Variants in TNXB observed in about 807,000 individuals in gnomAD.
TNXB encodes the protein tenascin-X.
A neutral mutation model predicts 340.5 loss-of-function variants in TNXB; 183 were observed. The observed-to-expected ratio is 0.54, with a 90% CI of 0.48 to 0.61. TNXB has a LOEUF of 0.61. TNXB is among the 20% of genes least tolerant of loss of function. The pLI is 0.00. For missense variants in TNXB, 4,613 were observed against 5,446.4 expected, an observed-to-expected ratio of 0.85 and a Z score of 4.82; for synonymous variants, 2,121 against 2,314.5, an observed-to-expected ratio of 0.92 and a Z score of 2.40.
chr6:32,095,116 G>A lies in TNXB; in HGVS notation c.2318C>T (p.Pro773Leu), dbSNP rs1406333249. 1 of 1,549,520 alleles carries A rather than the reference G, an allele frequency of 6.5e-7. No individual in the cohort carries two copies. The highest frequency in any genetic ancestry group is 1.2e-5 in the South Asian group (1 of 83,612). Reference sequence around the variant, plus strand: ...AATTTCATAGGCATCCACGGGGCCAGGAGCCGGGGTCCACTCTGTCCGAAC... The same window carrying A: ...AATTTCATAGGCATCCACGGGGCCAAGAGCCGGGGTCCACTCTGTCCGAAC... ...TTVRTEWTPA[P>L]GPVDAYEIQF... Residue 773 changes from proline to leucine, a missense_variant, in exon 4 of 44, where the codon CCT (proline) becomes CTT (leucine). Pro to Leu is a moderately conservative substitution (Grantham distance 98). Transcript: ENST00000644971.
chr6:32,050,629 C>T (rs1384133719), intron 26 of TNXB, among the ~76,000 whole-genome samples: 1 of 151,986 alleles, frequency 6.6e-6, no homozygotes, highest in Non-Finnish European at 1.5e-5. Flanking sequence ...ACTGGGGTCT[C>T]CTCGCCATCT....
rs191782781 is a variant in TNXB at position 32,059,579 on chromosome 6, G to A, written c.7493-1189C>T. On this transcript the variant is annotated intron_variant, in intron 21 of 43. Coordinates refer to ENST00000644971, the MANE Select transcript of TNXB (RefSeq NM_001365276.2). ...TGTCAGTTCTGTGGTTCCCCACAGT[G>A]GAGACAGGAACACAAAACTGAACGT... Among the ~76,000 whole-genome samples the A allele has an allele frequency of 1.7e-3, 259 of 152,000 alleles. 1 individual carries two copies. Among genetic ancestry groups the A allele is most frequent in the Non-Finnish European group, 1.7e-3 (114 of 68,022 alleles).
At chr6:32,091,507 C>T (rs1426088169) in intron 4 of TNXB, among the ~76,000 whole-genome samples, 10 of 139,070 alleles carry the variant, frequency 7.2e-5, no homozygotes, top group African/African-American at 2.4e-4. Flanking sequence ...GACGGAATTT[C>T]GCTCTTGTCT....
rs1281889688 is a variant in TNXB, at chr6:32,079,224, G to A, written c.4184C>T (p.Pro1395Leu). Residue 1395 changes from proline to leucine, a missense_variant, in exon 11 of 44, where the codon CCC (proline) becomes CTC (leucine). Transcript: ENST00000644971. This position sits in a 1 kb window ranked among gnomAD's most constrained non-coding sequence, Gnocchi z 7.1. ...PDSLSLFWTV[P>L]QGSFDSFTVQ... ...GGTGAAAGAGTCGAAGCTGCCCTGG[G>A]GGACGGTCCAGAAGAGGCTCAGCGA... The A allele has an allele frequency of 1.9e-6, 3 of 1,613,812 alleles. No individual in the cohort carries two copies. Among genetic ancestry groups the A allele is most frequent in the Non-Finnish European group, 2.5e-6 (3 of 1,179,872 alleles).
At chr6:32,055,118 G>A (rs1354205004) in intron 24 of TNXB, among the ~76,000 whole-genome samples, 1 of 152,198 alleles carries the variant, frequency 6.6e-6, no homozygotes, top group Non-Finnish European at 1.5e-5. Context: ...TTAGTGAGAC[G>A]CCCGGTAATA....
chr6:32,081,233 G>C lies in TNXB; in HGVS notation c.4042+135C>G. 1.3e-6 allele frequency: 1 copy of C among 796,432 alleles called. No homozygotes were observed. The highest frequency in any genetic ancestry group is 2.0e-6 in the Non-Finnish European group (1 of 506,638). 49.3% of individuals were successfully genotyped at this position (796,432 alleles called of 1,614,324 possible). ...CATGCAGAGGACAGGAGAGCAGTGC[G>C]GGAGGAAGTGGGTGGAGGCTTTGGC... On this transcript the variant is annotated intron_variant, in intron 10 of 43. Transcript: ENST00000644971. This position sits in a 1 kb window ranked among gnomAD's most constrained non-coding sequence, Gnocchi z 5.1.
chr6:32,095,690 C>T lies in TNXB; in HGVS notation c.2163G>A (p.Gly721=). The part of the protein sequence containing the change: ...GPDCAIQTCP[G]DCRGRGECHD... ...GACACTCTCCTCGGCCACGGCAGTCCCCTGGGCATGTCTGGATGGCACAGT... is the reference window on the plus strand; with the variant it reads ...GACACTCTCCTCGGCCACGGCAGTCTCCTGGGCATGTCTGGATGGCACAGT... The change falls in exon 3 of 44, where the codon GGG becomes GGA. Residue 721 remains glycine (G), a synonymous_variant. Coordinates refer to ENST00000644971, the MANE Select transcript of TNXB (RefSeq NM_001365276.2). 2 of 1,614,050 alleles carry T rather than the reference C, an allele frequency of 1.2e-6. No individual in the cohort carries two copies. Among genetic ancestry groups the T allele is most frequent in the African/African-American group, 1.3e-5 (1 of 75,048 alleles).
rs753431153 is a variant in TNXB, at chr6:32,067,607, G to A, written c.6544+54C>T. ...CTGGGTCCCTAGTGGAGGAGATGCT[G>A]GAGGCTGTACTTTGCTAAGACCCAA... On this transcript the variant is annotated intron_variant, in intron 18 of 43. Coordinates refer to ENST00000644971, the MANE Select transcript of TNXB (RefSeq NM_001365276.2). This position sits in a 1 kb window ranked among gnomAD's most constrained non-coding sequence, Gnocchi z 4.2. 10 of 1,577,020 alleles carry A rather than the reference G, an allele frequency of 6.3e-6. No individual in the cohort carries two copies. Among genetic ancestry groups the A allele is most frequent in the Admixed American group, 1.8e-5 (1 of 54,118 alleles).
chr6:32,050,287 C>A lies in TNXB; in HGVS notation c.9150G>T (p.Val3050=), dbSNP rs757639870. The part of the protein sequence containing the change: ...PKDEAETTQA[V]PTMTPEPPIK... The stretch of plus-strand genomic sequence containing the variant: ...TGGGGGGCTCAGGGGTCATGGTAGG[C>A]ACTGCTTGGGTGGTCTCGGCTTCAT... Residue 3050 remains valine, a synonymous_variant, in exon 27 of 44, where the codon GTG becomes GTT. Transcript: ENST00000644971. 1 of 1,613,292 alleles carries A rather than the reference C, an allele frequency of 6.2e-7. No individual in the cohort carries two copies.
chr6:32,081,314 C>A lies in TNXB; in HGVS notation c.4042+54G>T. ...AGGCTGGAAGGAGCCCCAGCCAAGT[C>A]CCGCTCACAGGATGGGGCTAGCAGG... On this transcript the variant is annotated intron_variant, in intron 10 of 43. Transcript: ENST00000644971. The surrounding 1 kb of genome is among the most constrained non-coding windows in gnomAD (Gnocchi z 5.1). 1.3e-6 allele frequency: 2 copies of A among 1,485,644 alleles called. No homozygotes were observed. Among genetic ancestry groups the A allele is most frequent in the Middle Eastern group, 2.1e-4 (1 of 4,658 alleles). The allele number at this position is 1,485,644 out of a possible 1,614,324, so 92.0% of individuals were successfully genotyped here.
rs774375168 is a variant in TNXB, at chr6:32,050,195, A to C, written c.9242T>G (p.Met3081Arg). 1 of 1,613,662 alleles carries C rather than the reference A, an allele frequency of 6.2e-7. No homozygotes were observed. The highest frequency in any genetic ancestry group is 1.1e-5 in the South Asian group (1 of 91,090). The change falls in exon 27 of 44, where the codon ATG (methionine) becomes AGG (arginine). Residue 3081 changes from methionine to arginine, a missense_variant. Around this residue, in one of 7 missense-constraint regions of TNXB, gnomAD observed 4,327 missense variants for 4,859.4 expected, o/e 0.89. Coordinates refer to ENST00000644971, the MANE Select transcript of TNXB (RefSeq NM_001365276.2). ...GTGGTCAAACTGGCCCTCGGGAACC[A>C]TCCAGGACAGGCTGAGGGAGTCGGG... is the stretch of plus-strand genomic sequence containing the variant. ...ATPDSLSLSW[M>R]VPEGQFDHFL...
At position 32,047,277 on chromosome 6, in the gene TNXB, A is replaced by G. The variant is rs1265348470; in HGVS notation, c.10324+457T>C. On this transcript the variant is annotated intron_variant, in intron 30 of 43. Coordinates refer to ENST00000644971, the MANE Select transcript of TNXB (RefSeq NM_001365276.2). This position sits in a 1 kb window ranked among gnomAD's most constrained non-coding sequence, Gnocchi z 6.2. ...CACCCCTTCCTCAGGGAGCTGAGTC[A>G]TAGGCATAGTGACACCAGGTTTTTC... Among the ~76,000 whole-genome samples the G allele has an allele frequency of 1.3e-5, 2 of 152,260 alleles. No individual in the cohort carries two copies. The highest frequency in any genetic ancestry group is 2.9e-5 in the Non-Finnish European group (2 of 68,050).
rs2077580 is a variant in TNXB at position 32,053,067 on chromosome 6, G to A, written c.8792-74C>T. Reference sequence around the variant, plus strand: ...CTTGGGTCTTGTGAGGAAGGAGAGCGAAGCTGTGGCCATGAGTGGGGGTCC... The same window carrying A: ...CTTGGGTCTTGTGAGGAAGGAGAGCAAAGCTGTGGCCATGAGTGGGGGTCC... On this transcript the variant is annotated intron_variant, in intron 25 of 43. Transcript: ENST00000644971. The A allele has an allele frequency of 0.087, 130,978 of 1,499,794 alleles. 6,523 individuals carry two copies. The highest frequency in any genetic ancestry group is 0.15 in the African/African-American group (10,535 of 72,652). The allele number at this position is 1,499,794 out of a possible 1,614,324, so 92.9% of individuals were successfully genotyped here.
At chr6:32,055,633 G>A (rs1777576638) in intron 24 of TNXB, among the ~76,000 whole-genome samples, 3 of 152,322 alleles carry the variant, frequency 2.0e-5, no homozygotes, top group South Asian at 2.1e-4. Flanking sequence ...CTCAAGGGGC[G>A]TGATCATGGG....
rs188126199 is a variant in TNXB at position 32,098,345 on chromosome 6, G to A, written c.-8-139C>T. 291 of 671,288 alleles carry A rather than the reference G, an allele frequency of 4.3e-4. 2 individuals carry two copies. The Admixed American group carries it at 6.2e-3, about 14-fold the overall frequency. 41.6% of individuals were successfully genotyped at this position (671,288 alleles called of 1,614,324 possible). A position where few individuals can be genotyped will look rare whatever the true frequency, so the allele number is the denominator to read the frequency against. Reference sequence around the variant, plus strand: ...ACATGCATGTAAAAATTCACATTCCGCCCAACCCTAAAGGATACCCTCCCT... The same window carrying A: ...ACATGCATGTAAAAATTCACATTCCACCCAACCCTAAAGGATACCCTCCCT... On this transcript the variant is annotated intron_variant, in intron 1 of 43. Coordinates refer to ENST00000644971, the MANE Select transcript of TNXB (RefSeq NM_001365276.2).
Position 32,089,459 on chromosome 6 carries a change from C to A in TNXB, c.2359-80G>T. ...CAATCCCCCTTATCTCTTCTTTCTC[C>A]AATTCTAAACAGTGTCAGCATGGTA... is the stretch of plus-strand genomic sequence containing the variant. On this transcript the variant is annotated intron_variant, in intron 4 of 43. Coordinates refer to ENST00000644971, the MANE Select transcript of TNXB (RefSeq NM_001365276.2). The surrounding 1 kb of genome is among the most constrained non-coding windows in gnomAD (Gnocchi z 6.2). The A allele has an allele frequency of 6.7e-7, 1 of 1,498,848 alleles. No individual in the cohort carries two copies. The highest frequency in any genetic ancestry group is 8.9e-7 in the Non-Finnish European group (1 of 1,117,812). 92.8% of individuals were successfully genotyped at this position (1,498,848 alleles called of 1,614,324 possible).
chr6:32,107,904 T>C (rs936405318), intron 1 of TNXB, among the ~76,000 whole-genome samples: 5 of 152,008 alleles, frequency 3.3e-5, no homozygotes, highest in South Asian at 2.1e-4. Flanking sequence ...GTCTCAGATA[T>C]TGGGCTGGAA....
In TNXB at chr6:32,079,257, G is replaced by A. The variant is rs1779298405; in HGVS notation, c.4151C>T (p.Ser1384Phe). Residue 1384 changes from serine (S) to phenylalanine (F), a missense_variant, in exon 11 of 44, where the codon TCC becomes TTC. Physicochemically the swap from Ser to Phe is radical, Grantham distance 155. Transcript: ENST00000644971. This position sits in a 1 kb window ranked among gnomAD's most constrained non-coding sequence, Gnocchi z 7.1. Reference sequence around the variant, plus strand: ...CCAGAAGAGGCTCAGCGAATCAGGGGAGGATCCTGTCACTGTCAGCTCCCC... The same window carrying A: ...CCAGAAGAGGCTCAGCGAATCAGGGAAGGATCCTGTCACTGTCAGCTCCCC... ...LLGELTVTGS[S>F]PDSLSLFWTV... is the part of the protein sequence containing the mutation. The A allele has an allele frequency of 3.1e-6, 5 of 1,613,592 alleles. No individual in the cohort carries two copies. The highest frequency in any genetic ancestry group is 2.5e-6 in the Non-Finnish European group (3 of 1,179,866).
chr6:32,106,672 C>T (rs530127736), intron 1 of TNXB, among the ~76,000 whole-genome samples: 4 of 152,300 alleles, frequency 2.6e-5, no homozygotes, highest in Admixed American at 2.6e-4. Context: ...AGGCTCCCCA[C>T]CCAAGAAAGC....
Sources: gnomAD v4.1 joint callset for allele counts (sites outside exome capture counted in the v4.1 genomes callset) on GRCh38, gnomAD v4.1.1 for gene constraint, gnomAD v4.1.1 regional missense constraint, Gnocchi (gnomAD v3.1) non-coding constraint, MANE v1.5 for transcripts, NCBI Gene and HGNC (gene_info 2026-07-23, HGNC 2026-07-21) for gene names.